VPS54: variants seen among roughly 807,000 people sequenced by gnomAD.
VPS54 encodes VPS54 subunit of GARP complex, also known as vacuolar protein sorting-associated protein 54.
In VPS54, 45 loss-of-function variants were observed where a neutral mutation model predicts 121.5. That is an observed-to-expected ratio of 0.37 (90% CI 0.29 to 0.47). VPS54 has a LOEUF of 0.47. Ranked by LOEUF, VPS54 falls within the 20% of genes least tolerant of loss-of-function variation. The pLI is 0.99. For missense variants in VPS54, 1,090 were observed against 1,131.4 expected (o/e 0.96, Z 0.52); for synonymous variants, 371 against 385.8 (o/e 0.96, Z 0.45).
chr2:63,941,145 CA>C (rs1203944505), intron 11 of VPS54, among the ~76,000 whole-genome samples: 1 of 152,156 alleles, frequency 6.6e-6, no homozygotes, highest in African/African-American at 2.4e-5. Context: ...CTTGATAACT[CA>C]AAAAATATCT....
intron 1 of VPS54, among the ~76,000 whole-genome samples, chr2:64,007,212 A>G (rs1185738560): frequency 6.6e-6 from 1 of 152,228 alleles, no homozygotes; most frequent in Non-Finnish European, 1.5e-5. Flanking sequence ...AGAATATTGG[A>G]AAGTGATAAT....
At chr2:63,914,317 A>G in intron 16 of VPS54, 30 bp from the exon 17 acceptor site, 1 of 1,423,888 alleles carries the variant, frequency 7.0e-7, no homozygotes. Flanking sequence ...GCCCAATAGG[A>G]AATCAAAACA....
At chr2:63,910,406 G>A (rs926470066) in intron 20 of VPS54, among the ~76,000 whole-genome samples, 7 of 152,100 alleles carry the variant, frequency 4.6e-5, no homozygotes, top group Admixed American at 2.6e-4. Context: ...CTTAAGAGAC[G>A]TAATAACCAA....
intron 1 of VPS54, among the ~76,000 whole-genome samples, chr2:64,014,760 A>C (rs1678600574): frequency 1.6e-5 from 2 of 127,022 alleles, no homozygotes; most frequent in African/African-American, 5.0e-5. Context: ...TAATTCTTAC[A>C]ATAGCCTTGT....
At chr2:63,980,344 G>T (rs1676751000) in intron 3 of VPS54, among the ~76,000 whole-genome samples, 1 of 151,852 alleles carries the variant, frequency 6.6e-6, no homozygotes, top group Non-Finnish European at 1.5e-5. Context: ...TCTATTCAAG[G>T]TATGTTTCTT....
chr2:63,893,176 T>A lies in VPS54; in HGVS notation c.*254A>T, dbSNP rs750440619. 6 of 521,782 alleles carry A rather than the reference T, an allele frequency of 1.1e-5. No individual in the cohort carries two copies. The highest frequency in any genetic ancestry group is 2.1e-5 in the Non-Finnish European group (6 of 287,196). 32.3% of individuals were successfully genotyped at this position (521,782 alleles called of 1,614,324 possible). A position where few individuals can be genotyped will look rare whatever the true frequency, so the allele number is the denominator to read the frequency against. Reference sequence around the variant, plus strand: ...TGGATTTGGTCCAAAGAAACCTGAGTCTGTTTCCAGAGAGAATGAAAAATG... The same window carrying A: ...TGGATTTGGTCCAAAGAAACCTGAGACTGTTTCCAGAGAGAATGAAAAATG... On this transcript the variant is annotated 3_prime_UTR_variant, in exon 23 of 23. Transcript: ENST00000272322.
Position 63,893,545 on chromosome 2 carries a change from G to C in VPS54, c.2829-10C>G, listed in dbSNP as rs775694701. 2 of 1,599,664 alleles carry C rather than the reference G, an allele frequency of 1.3e-6. No homozygotes were observed. Among genetic ancestry groups the C allele is most frequent in the East Asian group, 4.5e-5 (2 of 44,788 alleles). ...ATCTGCTGTGACCAACCTAAATAATGGAGAGAAAATTATTTTTTAAATCTC... is the reference window on the plus strand; with the variant it reads ...ATCTGCTGTGACCAACCTAAATAATCGAGAGAAAATTATTTTTTAAATCTC... On this transcript the variant is annotated splice_polypyrimidine_tract_variant and intron_variant, in intron 22 of 22. Transcript: ENST00000272322.
At position 63,913,377 on chromosome 2, in the gene VPS54, G is replaced by A. The variant is rs116214858; in HGVS notation, c.2335-67C>T. On this transcript the variant is annotated intron_variant, in intron 17 of 22. Coordinates refer to ENST00000272322, the MANE Select transcript of VPS54 (RefSeq NM_016516.3). ...ACTGTTCTTTATATCCTGGCAATGT[G>A]CTATTATAAAAATACATTCCCCTTT... The A allele has an allele frequency of 1.2e-3, 1,394 of 1,191,992 alleles. 19 individuals carry two copies. The African/African-American group carries it at 0.019, about 16-fold the overall frequency. The allele number at this position is 1,191,992 out of a possible 1,614,324, so 73.8% of individuals were successfully genotyped here.
chr2:63,969,550 G>A (rs1676165802), intron 4 of VPS54, among the ~76,000 whole-genome samples: 1 of 152,032 alleles, frequency 6.6e-6, no homozygotes, highest in Non-Finnish European at 1.5e-5. Context: ...ATCTCCCCCA[G>A]ATGGGACCAT....
intron 6 of VPS54, among the ~76,000 whole-genome samples, chr2:63,963,571 C>G (rs1243494407): frequency 1.3e-5 from 2 of 152,118 alleles, no homozygotes. Flanking sequence ...GTCATCAAAT[C>G]TGTTTCCCTA....
chr2:63,941,975 G>A (rs1459443318), intron 11 of VPS54, among the ~76,000 whole-genome samples: 2 of 149,984 alleles, frequency 1.3e-5, no homozygotes, highest in Non-Finnish European at 3.0e-5. Flanking sequence ...GAGAAGTTGC[G>A]GTGAGCCAAG....
chr2:63,923,961 C>T (rs1039214562), intron 12 of VPS54, among the ~76,000 whole-genome samples: 4 of 152,212 alleles, frequency 2.6e-5, no homozygotes, highest in African/African-American at 7.2e-5. Context: ...TATAAGTATA[C>T]TCAATTCATT....
rs200164101 is a variant in VPS54 at position 63,933,985 on chromosome 2, A to T, written c.1427T>A (p.Val476Asp). The change falls in exon 12 of 23, where the codon GTT becomes GAT. Residue 476 changes from valine (V) to aspartate (D), a missense_variant. By Grantham distance (152) the Val-to-Asp change is radical. Around this residue, in one of 2 missense-constraint regions of VPS54, gnomAD observed 801 missense variants for 757.0 expected, o/e 1.06. Coordinates refer to ENST00000272322, the MANE Select transcript of VPS54 (RefSeq NM_016516.3). ...TTGGTTTTTGTCAAGAACTGAGAGA[A>T]CAACACTGTGAATGATATTTAATGT... ...KATLNIIHSVVLSVLDKNQRT... is the reference protein window; with the variant it reads ...KATLNIIHSVDLSVLDKNQRT... 688 of 1,613,302 alleles carry T rather than the reference A, an allele frequency of 4.3e-4. No individual in the cohort carries two copies. The highest frequency in any genetic ancestry group is 3.9e-4 in the Non-Finnish European group (465 of 1,179,586).
Position 63,893,208 on chromosome 2 carries a change from A to AC in VPS54, c.*221dup, listed in dbSNP as rs1174106405. 1 of 588,100 alleles carries AC rather than the reference A, an allele frequency of 1.7e-6. No individual in the cohort carries two copies. The highest frequency in any genetic ancestry group is 3.1e-6 in the Non-Finnish European group (1 of 326,322). 36.4% of individuals were successfully genotyped at this position (588,100 alleles called of 1,614,324 possible). A position where few individuals can be genotyped will look rare whatever the true frequency, so the allele number is the denominator to read the frequency against. ...CCAGAGAGAATGAAAAATGTTATAG[A>AC]CACCTGATCAGTTACTCCTCACTGT... On this transcript the variant is annotated 3_prime_UTR_variant, in exon 23 of 23. Coordinates refer to ENST00000272322, the MANE Select transcript of VPS54 (RefSeq NM_016516.3).
At chr2:63,947,044 ATAATGT>A in intron 9 of VPS54, among the ~76,000 whole-genome samples, 1 of 151,984 alleles carries the variant, frequency 6.6e-6, no homozygotes, top group Middle Eastern at 3.5e-3. Flanking sequence ...TAGATTTAAC[ATAATGT>A]TAATGGGACT....
intron 7 of VPS54, among the ~76,000 whole-genome samples, chr2:63,958,114 G>C (rs1477522777): frequency 6.6e-6 from 1 of 152,062 alleles, no homozygotes; most frequent in African/African-American, 2.4e-5. Context: ...TACATATTAA[G>C]ATGTGTACAA....
At chr2:63,966,443 T>C (rs563400492) in intron 5 of VPS54, among the ~76,000 whole-genome samples, 4 of 152,204 alleles carry the variant, frequency 2.6e-5, no homozygotes, top group African/African-American at 7.2e-5. Context: ...ATTTTATGAA[T>C]AGACTACTCT....
At chr2:63,937,673 CAG>C (rs1674512905) in intron 11 of VPS54, among the ~76,000 whole-genome samples, 1 of 152,016 alleles carries the variant, frequency 6.6e-6, no homozygotes, top group Non-Finnish European at 1.5e-5. Context: ...AAGGGGGCCT[CAG>C]AGAGATATTT....
intron 7 of VPS54, among the ~76,000 whole-genome samples, chr2:63,953,126 A>ATTTTTTTTT (rs1194371865): frequency 2.5e-5 from 3 of 119,212 alleles, no homozygotes; most frequent in African/African-American, 6.4e-5. Flanking sequence ...GAAATTTTTA[A>ATTTTTTTTT]TTTTTTTTTT....
Sources: gnomAD v4.1 joint callset for allele counts (sites outside exome capture counted in the v4.1 genomes callset) on GRCh38, gnomAD v4.1.1 for gene constraint, gnomAD v4.1.1 regional missense constraint, MANE v1.5 for transcripts, NCBI Gene and HGNC (gene_info 2026-07-23, HGNC 2026-07-21) for gene names.